TMEM184C: variants seen among roughly 807,000 people sequenced by gnomAD.
TMEM184C encodes the protein transmembrane protein 184C.
A neutral mutation model predicts 54.5 loss-of-function variants in TMEM184C; 25 were observed. The ratio of observed to expected loss-of-function variants is 0.46; its 90% CI spans 0.33 to 0.64. The LOEUF is 0.64. Among genes scored for constraint, TMEM184C ranks in the 30% least tolerant of loss-of-function variants. The pLI is 0.02. For missense variants in TMEM184C, 335 were observed against 520.3 expected, an observed-to-expected ratio of 0.64 and a Z score of 3.46; for synonymous variants, 148 against 181.5, an observed-to-expected ratio of 0.82 and a Z score of 1.49.
Position 147,617,813 on chromosome 4 carries a change from G to A in TMEM184C, c.-144G>A, listed in dbSNP as rs1200656659. 8.8e-7 allele frequency: 1 copy of A among 1,135,538 alleles called. No individual in the cohort carries two copies. The highest frequency in any genetic ancestry group is 1.3e-6 in the Non-Finnish European group (1 of 770,690). The allele number at this position is 1,135,538 out of a possible 1,614,324, so 70.3% of individuals were successfully genotyped here. A position where few individuals can be genotyped will look rare whatever the true frequency, so the allele number is the denominator to read the frequency against. On this transcript the variant is annotated 5_prime_UTR_variant, in exon 1 of 10. Coordinates refer to ENST00000296582, the MANE Select transcript of TMEM184C (RefSeq NM_018241.3). ...CAGAAGACACAGCGCCGGTCCAGGA[G>A]GCGGCTCGAGCTGTTCGTAAAGTCG...
chr4:147,635,811 A>G lies in TMEM184C; in HGVS notation c.*1377A>G, dbSNP rs1733025545. On this transcript the variant is annotated 3_prime_UTR_variant, in exon 10 of 10. Transcript: ENST00000296582. Reference sequence around the variant, plus strand: ...AGTAAAGTTGCAGAATACAAAATCAACATACAAAAAGCATTAGCATTTTTA... The same window carrying G: ...AGTAAAGTTGCAGAATACAAAATCAGCATACAAAAAGCATTAGCATTTTTA... The G allele has an allele frequency of 6.6e-6, 1 of 152,198 alleles. No individual in the cohort carries two copies. Among genetic ancestry groups the G allele is most frequent in the Non-Finnish European group, 1.5e-5 (1 of 68,022 alleles). 9.4% of individuals were successfully genotyped at this position (152,198 alleles called of 1,614,324 possible). A position where few individuals can be genotyped will look rare whatever the true frequency, so the allele number is the denominator to read the frequency against.
Position 147,636,292 on chromosome 4 carries a change from A to G in TMEM184C, c.*1858A>G, listed in dbSNP as rs1409249407. On this transcript the variant is annotated 3_prime_UTR_variant, in exon 10 of 10. Transcript: ENST00000296582. ...AAACACATACACAGGCCAGTGGGAC[A>G]GAAGAAAGAGTCCAGATATAAATCC... 1.3e-5 allele frequency: 2 copies of G among 152,318 alleles called. No homozygotes were observed. Among genetic ancestry groups the G allele is most frequent in the East Asian group, 1.9e-4 (1 of 5,186 alleles). 9.4% of individuals were successfully genotyped at this position (152,318 alleles called of 1,614,324 possible). A position where few individuals can be genotyped will look rare whatever the true frequency, so the allele number is the denominator to read the frequency against.
At chr4:147,629,562 G>T in intron 5 of TMEM184C, 37 bp from the exon 6 acceptor site, 2 of 1,490,422 alleles carry the variant, frequency 1.3e-6, no homozygotes, top group South Asian at 2.5e-5. Flanking sequence ...GTACGATTTT[G>T]ATTTAATCAG....
Position 147,621,985 on chromosome 4 carries a change from C to CTTTTTTTTT in TMEM184C, c.124-1846_124-1845insTTTTTTTTT, listed in dbSNP as rs199693141. Among the ~76,000 whole-genome samples, 7 of 53,266 alleles carry CTTTTTTTTT rather than the reference C, an allele frequency of 1.3e-4. 1 individual carries two copies. Among genetic ancestry groups the CTTTTTTTTT allele is most frequent in the South Asian group, 9.7e-4 (1 of 1,036 alleles). 34.9% of individuals were successfully genotyped at this position (53,266 alleles called of 152,430 possible). A position where few individuals can be genotyped will look rare whatever the true frequency, so the allele number is the denominator to read the frequency against. On this transcript the variant is annotated intron_variant, in intron 1 of 9. Transcript: ENST00000296582. ...TGGCAATACTTTTTTTTCTTTTTTT[C>CTTTTTTTTT]TTTCTTTTTTTTTTTTTGAGCCAGG...
intron 1 of TMEM184C, among the ~76,000 whole-genome samples, chr4:147,622,671 C>T (rs555679686): frequency 6.6e-6 from 1 of 152,284 alleles, no homozygotes; most frequent in East Asian, 1.9e-4. Flanking sequence ...AGTGCTCAGA[C>T]ATTCCTTTTA....
At position 147,628,552 on chromosome 4, in the gene TMEM184C, G is replaced by GT. The variant is rs1732855165; in HGVS notation, c.572+118dup. The GT allele has an allele frequency of 6.3e-6, 5 of 798,490 alleles. No homozygotes were observed. In the South Asian group the frequency reaches 7.1e-5, roughly 11 times the overall value. The allele number at this position is 798,490 out of a possible 1,614,324, so 49.5% of individuals were successfully genotyped here. A position where few individuals can be genotyped will look rare whatever the true frequency, so the allele number is the denominator to read the frequency against. On this transcript the variant is annotated intron_variant, in intron 5 of 9. Coordinates refer to ENST00000296582, the MANE Select transcript of TMEM184C (RefSeq NM_018241.3). ...ATTTATAATGCAGGTCTAGTCTGTTGTAAAAAAAAACACTGTATAGAAACT... is the reference window on the plus strand; with the variant it reads ...ATTTATAATGCAGGTCTAGTCTGTTGTTAAAAAAAAACACTGTATAGAAACT...
chr4:147,620,279 CCT>C (rs1732685743), intron 1 of TMEM184C, among the ~76,000 whole-genome samples: 2 of 152,250 alleles, frequency 1.3e-5, no homozygotes. Context: ...TTTCTTTCCC[CCT>C]CTTTCTGCCC....
chr4:147,633,136 C>T (rs1254411155), intron 8 of TMEM184C, 134 bp downstream of exon 8: 1 of 656,638 alleles, frequency 1.5e-6, no homozygotes, highest in South Asian at 2.7e-5. Context: ...ACAGGGGAAC[C>T]CTAGAGAAAT....
At chr4:147,633,483 CTCCTAGTTACT>C (rs1282144476) in intron 8 of TMEM184C, among the ~76,000 whole-genome samples, 1 of 151,836 alleles carries the variant, frequency 6.6e-6, no homozygotes, top group Non-Finnish European at 1.5e-5. Context: ...CATGCCTATA[CTCCTAGTTACT>C]TGGGAGGCTG....
Position 147,625,018 on chromosome 4 carries a change from G to A in TMEM184C, c.497+9G>A. On this transcript the variant is annotated intron_variant, in intron 4 of 9. Coordinates refer to ENST00000296582, the MANE Select transcript of TMEM184C (RefSeq NM_018241.3). ...CCATGGGCTATGGGAGAGTAAGTAT[G>A]TTTGGTTTAATTCTTTTATGTTTTG... 1 of 1,612,960 alleles carries A rather than the reference G, an allele frequency of 6.2e-7. No homozygotes were observed. Among genetic ancestry groups the A allele is most frequent in the South Asian group, 1.1e-5 (1 of 90,982 alleles).
chr4:147,622,524 T>C (rs879855927), intron 1 of TMEM184C, among the ~76,000 whole-genome samples: 1 of 152,156 alleles, frequency 6.6e-6, no homozygotes, highest in Non-Finnish European at 1.5e-5. Context: ...AAACATAGTA[T>C]ATGCATATAG....
chr4:147,629,024 T>C (rs542446502), intron 5 of TMEM184C, among the ~76,000 whole-genome samples: 2 of 152,186 alleles, frequency 1.3e-5, no homozygotes, highest in Non-Finnish European at 2.9e-5. Context: ...GAAAGACTTG[T>C]GAAAGAATTC....
chr4:147,628,261 T>C, intron 4 of TMEM184C, 100 bp from the exon 5 acceptor site: 1 of 853,742 alleles, frequency 1.2e-6, no homozygotes, highest in East Asian at 2.5e-5. Context: ...ACTGTAAATA[T>C]GGTATCATTC....
chr4:147,632,074 A>T (rs2126554309), intron 7 of TMEM184C, among the ~76,000 whole-genome samples: 1 of 151,896 alleles, frequency 6.6e-6, no homozygotes, highest in African/African-American at 2.4e-5. Context: ...CTTGGCAGGG[A>T]AGGCAGGAGA....
At position 147,633,780 on chromosome 4, in the gene TMEM184C, A is replaced by G. The variant is rs1732959655; in HGVS notation, c.895A>G (p.Ile299Val). ...ATGLQDFIICIEMFLAAIAHH... is the reference protein window; with the variant it reads ...ATGLQDFIICVEMFLAAIAHH... ...GTTCTCATAGGATTTTATTATCTGTATTGAGATGTTCCTCGCTGCCATTGC... is the reference window on the plus strand; with the variant it reads ...GTTCTCATAGGATTTTATTATCTGTGTTGAGATGTTCCTCGCTGCCATTGC... The change falls in exon 9 of 10, where the codon ATT becomes GTT. Residue 299 changes from isoleucine (I) to valine (V), a missense_variant. Coordinates refer to ENST00000296582, the MANE Select transcript of TMEM184C (RefSeq NM_018241.3). 6.2e-7 allele frequency: 1 copy of G among 1,605,322 alleles called. No individual in the cohort carries two copies. The highest frequency in any genetic ancestry group is 1.3e-5 in the African/African-American group (1 of 74,618).
intron 1 of TMEM184C, 94 bp downstream of exon 1, chr4:147,618,173 C>A: frequency 1.3e-6 from 2 of 1,556,094 alleles, no homozygotes; most frequent in Non-Finnish European, 1.8e-6. Flanking sequence ...CCCTGACAGT[C>A]CTGAAAACCA....
At chr4:147,621,692 A>G (rs535396427) in intron 1 of TMEM184C, among the ~76,000 whole-genome samples, 1 of 152,162 alleles carries the variant, frequency 6.6e-6, no homozygotes, top group Non-Finnish European at 1.5e-5. Flanking sequence ...AATGACATTA[A>G]TGTGGAGAGA....
chr4:147,631,516 C>CT lies in TMEM184C; in HGVS notation c.779+19dup. On this transcript the variant is annotated intron_variant, in intron 7 of 9. Coordinates refer to ENST00000296582, the MANE Select transcript of TMEM184C (RefSeq NM_018241.3). ...TTTTGTTTCTTTTTGGTAAGTGTTA[C>CT]TTTTTTTTAAATGTTCTCATTTTTT... 5.0e-6 allele frequency: 8 copies of CT among 1,588,240 alleles called. No individual in the cohort carries two copies. Among genetic ancestry groups the CT allele is most frequent in the Admixed American group, 3.6e-5 (2 of 55,582 alleles).
intron 7 of TMEM184C, 24 bp from the exon 8 acceptor site, chr4:147,632,879 C>T: frequency 1.3e-6 from 2 of 1,597,782 alleles, no homozygotes; most frequent in Admixed American, 1.7e-5. Context: ...ATAGATTTGG[C>T]GTTTACCTTT....
Sources: allele counts gnomAD v4.1 joint callset (sites outside exome capture counted in the v4.1 genomes callset), GRCh38; gene constraint gnomAD v4.1.1; transcripts MANE v1.5; gene names NCBI Gene and HGNC (gene_info 2026-07-23, HGNC 2026-07-21).